FILIP1L: variants seen among roughly 807,000 people sequenced by gnomAD.
FILIP1L encodes filamin A-interacting protein 1-like.
In FILIP1L, 55 loss-of-function variants were observed where a neutral mutation model predicts 96.6. The ratio of observed to expected loss-of-function variants is 0.57; its 90% CI spans 0.46 to 0.71. The LOEUF is 0.71. FILIP1L is among the 30% of genes least tolerant of loss of function. The probability of loss-of-function intolerance (pLI) is 0.00; values close to 1 mark genes in which losing one functional copy is unlikely to be tolerated. For synonymous variants in FILIP1L, 467 were observed against 473.9 expected (o/e 0.99, Z 0.19); for missense variants, 1,304 against 1,321.2 (o/e 0.99, Z 0.20).
intron 1 of FILIP1L, among the ~76,000 whole-genome samples, chr3:100,004,114 G>A (rs948355176): frequency 1.3e-5 from 2 of 152,122 alleles, no homozygotes; most frequent in Non-Finnish European, 2.9e-5. Context: ...GACAGTATTG[G>A]CTTCCTGCAT....
intron 1 of FILIP1L, among the ~76,000 whole-genome samples, chr3:100,086,830 C>G (rs548995171): frequency 6.6e-6 from 1 of 152,260 alleles, no homozygotes; most frequent in South Asian, 2.1e-4. Flanking sequence ...TTCCATCACC[C>G]CCAGAAATCC....
intron 1 of FILIP1L, among the ~76,000 whole-genome samples, chr3:100,013,694 G>T (rs181600740): frequency 5.9e-5 from 9 of 152,114 alleles, no homozygotes; most frequent in Admixed American, 5.2e-4. Context: ...TTTTATTAAG[G>T]TTTAGTTGGC....
At chr3:99,937,399 A>G (rs1347588414) in intron 1 of FILIP1L, among the ~76,000 whole-genome samples, 5 of 152,194 alleles carry the variant, frequency 3.3e-5, no homozygotes, top group African/African-American at 1.2e-4. Flanking sequence ...AAAACTATGT[A>G]TTTTTAAATT....
At chr3:99,881,005 T>C (rs1705707956) in intron 4 of FILIP1L, among the ~76,000 whole-genome samples, 1 of 152,314 alleles carries the variant, frequency 6.6e-6, no homozygotes. Flanking sequence ...CTCCCTAGCA[T>C]TGGTGGTCAC....
intron 1 of FILIP1L, among the ~76,000 whole-genome samples, chr3:100,045,106 G>A (rs992057235): frequency 9.9e-5 from 15 of 152,210 alleles, no homozygotes; most frequent in African/African-American, 2.9e-4. Flanking sequence ...CAGATCTGGC[G>A]CTCACAAGAG....
chr3:99,970,988 G>A (rs1382918593), intron 1 of FILIP1L, among the ~76,000 whole-genome samples: 1 of 152,108 alleles, frequency 6.6e-6, no homozygotes, highest in Non-Finnish European at 1.5e-5. Context: ...TGAAGAGGAG[G>A]GGCTGTATTC....
chr3:99,894,203 A>G (rs1352232973), intron 4 of FILIP1L, among the ~76,000 whole-genome samples: 1 of 152,224 alleles, frequency 6.6e-6, no homozygotes, highest in Non-Finnish European at 1.5e-5. Flanking sequence ...ATGGTTAAAA[A>G]CTAAGTAGAT....
intron 4 of FILIP1L, among the ~76,000 whole-genome samples, chr3:99,896,180 G>A (rs909171424): frequency 6.6e-6 from 1 of 152,170 alleles, no homozygotes; most frequent in African/African-American, 2.4e-5. Context: ...CATTCCGTCT[G>A]CTATTTCATG....
intron 1 of FILIP1L, among the ~76,000 whole-genome samples, chr3:99,937,257 G>A (rs1192336111): frequency 2.0e-5 from 3 of 152,054 alleles, no homozygotes; most frequent in Non-Finnish European, 2.9e-5. Flanking sequence ...TTCATATGTG[G>A]ACCAATCTCC....
At chr3:99,833,516 A>G (rs928048496) in intron 5 of FILIP1L, among the ~76,000 whole-genome samples, 2 of 152,202 alleles carry the variant, frequency 1.3e-5, no homozygotes, top group Non-Finnish European at 2.9e-5. Context: ...CCACTTTATC[A>G]TGGAGCACAA....
At chr3:100,067,166 C>CGTTTGTTTGTTTGTTT (rs4062235) in intron 1 of FILIP1L, among the ~76,000 whole-genome samples, 6 of 150,984 alleles carry the variant, frequency 4.0e-5, no homozygotes, top group South Asian at 4.2e-4. Flanking sequence ...TTTTTGATCT[C>CGTTTGTTTGTTTGTTT]GTTTGTTTGT....
chr3:99,872,232 T>A (rs183225964), intron 4 of FILIP1L, among the ~76,000 whole-genome samples: 145 of 151,014 alleles, frequency 9.6e-4, no homozygotes, highest in Admixed American at 4.4e-3. Context: ...CATTGCCCCT[T>A]CCAGCTGTAA....
At chr3:99,927,714 G>T (rs1707340510) in intron 3 of FILIP1L, among the ~76,000 whole-genome samples, 1 of 151,334 alleles carries the variant, frequency 6.6e-6, no homozygotes, top group Admixed American at 6.6e-5. Context: ...GAATACCTTA[G>T]GCTATTAATT....
At chr3:99,971,219 A>G (rs1057218123) in intron 1 of FILIP1L, among the ~76,000 whole-genome samples, 2 of 152,074 alleles carry the variant, frequency 1.3e-5, no homozygotes, top group African/African-American at 4.8e-5. Context: ...AGATGCCTGT[A>G]GTCCCAGCTA....
chr3:99,979,312 T>C (rs959349366), intron 1 of FILIP1L, among the ~76,000 whole-genome samples: 2 of 152,202 alleles, frequency 1.3e-5, no homozygotes, highest in Non-Finnish European at 2.9e-5. Context: ...TGGCCTTCTT[T>C]TGGGAAACAC....
At chr3:100,106,534 C>G (rs2066398299) in intron 1 of FILIP1L, among the ~76,000 whole-genome samples, 1 of 152,094 alleles carries the variant, frequency 6.6e-6, no homozygotes, top group Non-Finnish European at 1.5e-5. Context: ...ACTCTTTACC[C>G]AAAGAAAGGT....
At chr3:100,030,749 G>C (rs565721274) in intron 1 of FILIP1L, among the ~76,000 whole-genome samples, 13 of 152,106 alleles carry the variant, frequency 8.5e-5, no homozygotes, top group Non-Finnish European at 1.6e-4. Context: ...TTAGCAAAAG[G>C]GAGATTGGTG....
At chr3:99,963,646 C>T (rs1382484793) in intron 1 of FILIP1L, among the ~76,000 whole-genome samples, 2 of 151,596 alleles carry the variant, frequency 1.3e-5, no homozygotes, top group Non-Finnish European at 2.9e-5. Flanking sequence ...GAGTGTCGCT[C>T]TGTAGCCCAG....
intron 1 of FILIP1L, among the ~76,000 whole-genome samples, chr3:100,073,745 G>A (rs1207431840): frequency 6.6e-6 from 1 of 152,210 alleles, no homozygotes; most frequent in Non-Finnish European, 1.5e-5. Flanking sequence ...CAAATGCAGA[G>A]TAGGGTGTGT....
Sources: allele counts gnomAD v4.1 joint callset (sites outside exome capture counted in the v4.1 genomes callset), GRCh38; gene constraint gnomAD v4.1.1; transcripts MANE v1.5; gene names NCBI Gene and HGNC (gene_info 2026-07-23, HGNC 2026-07-21).